Variants in PCDHGB5 observed in about 807,000 individuals in gnomAD.
PCDHGB5 encodes protocadherin gamma-B5.
A neutral mutation model predicts 62.9 loss-of-function variants in PCDHGB5; 48 were observed. That is an observed-to-expected ratio of 0.76 (90% confidence interval 0.61 to 0.97). The LOEUF is 0.97. Ranked by LOEUF, PCDHGB5 falls within the 50% of genes least tolerant of loss-of-function variation. PCDHGB5 has a pLI of 0.00. For missense variants in PCDHGB5, 1,118 were observed against 1,198.6 expected (o/e 0.93, Z 0.99); for synonymous variants, 474 against 511.2 (o/e 0.93, Z 0.98).
At chr5:141,430,815 T>A in intron 1 of PCDHGB5, 1 of 1,535,252 alleles carries the variant, frequency 6.5e-7, no homozygotes, top group Non-Finnish European at 8.7e-7. Flanking sequence ...CTGGGAATCC[T>A]CCTGGGGACT....
chr5:141,423,983 C>T, intron 1 of PCDHGB5: 5 of 1,107,052 alleles, frequency 4.5e-6, no homozygotes, highest in Non-Finnish European at 5.6e-6. Context: ...GTATGAGGCT[C>T]TCAATTTATT....
chr5:141,470,738 C>T lies in PCDHGB5; in HGVS notation c.2398-24069C>T, dbSNP rs117476356. On this transcript the variant is annotated intron_variant, in intron 1 of 3. Transcript: ENST00000617380. ...TTTGAGTCAGGGTCTTGCTCTGTCG[C>T]CCTGGCTGGAGTGCAGTGGACTCAC... Among the ~76,000 whole-genome samples the T allele has an allele frequency of 1.9e-3, 295 of 152,226 alleles. 7 individuals carry two copies. In the East Asian group the frequency reaches 0.046, roughly 24 times the overall value.
At chr5:141,430,252 A>C (rs1292590200) in intron 1 of PCDHGB5, among the ~76,000 whole-genome samples, 1 of 102,244 alleles carries the variant, frequency 9.8e-6, no homozygotes, top group Admixed American at 1.0e-4. Context: ...CTAGGGAGAC[A>C]TCTCCATAAT....
In PCDHGB5 at chr5:141,473,538, T is replaced by C. The variant is rs544537855; in HGVS notation, c.2398-21269T>C. Among the ~76,000 whole-genome samples, 58 of 152,328 alleles carry C rather than the reference T, an allele frequency of 3.8e-4. 1 individual carries two copies. Among genetic ancestry groups the C allele is most frequent in the African/African-American group, 1.3e-3 (55 of 41,576 alleles). Reference sequence around the variant, plus strand: ...AAGGATCCTGGTTTTAACTGGGGCCTAATGGAAGACCTCTATTAGGAAATA... The same window carrying C: ...AAGGATCCTGGTTTTAACTGGGGCCCAATGGAAGACCTCTATTAGGAAATA... On this transcript the variant is annotated intron_variant, in intron 1 of 3. Coordinates refer to ENST00000617380, the MANE Select transcript of PCDHGB5 (RefSeq NM_018925.3).
chr5:141,472,853 G>A (rs1283601489), intron 1 of PCDHGB5, among the ~76,000 whole-genome samples: 1 of 151,738 alleles, frequency 6.6e-6, no homozygotes, highest in Non-Finnish European at 1.5e-5. Flanking sequence ...GGGCATGGTG[G>A]CACATGCCTG....
At chr5:141,472,359 G>T (rs2099278248) in intron 1 of PCDHGB5, among the ~76,000 whole-genome samples, 1 of 151,944 alleles carries the variant, frequency 6.6e-6, no homozygotes, top group Admixed American at 6.6e-5. Flanking sequence ...GGCTAACACG[G>T]TGAAACCCCG....
intron 1 of PCDHGB5, chr5:141,409,980 C>T (rs2095343394): frequency 6.2e-7 from 1 of 1,613,322 alleles, no homozygotes; most frequent in Non-Finnish European, 8.5e-7. Context: ...AAGGTGGTAG[C>T]GGTGGACGCC....
At chr5:141,504,203 A>G (rs2099836487) in intron 2 of PCDHGB5, among the ~76,000 whole-genome samples, 1 of 152,248 alleles carries the variant, frequency 6.6e-6, no homozygotes, top group Non-Finnish European at 1.5e-5. Context: ...TCACTGTGGG[A>G]AAATTCCAAG....
At chr5:141,433,208 C>T (rs780155661) in intron 1 of PCDHGB5, 90 of 1,293,816 alleles carry the variant, frequency 7.0e-5, no homozygotes, top group Middle Eastern at 5.9e-4. Flanking sequence ...AATCTTCTTT[C>T]TTTTTTTTTT....
intron 1 of PCDHGB5, among the ~76,000 whole-genome samples, chr5:141,435,710 C>T (rs1033703743): frequency 1.3e-5 from 2 of 152,148 alleles, no homozygotes; most frequent in Admixed American, 6.5e-5. Flanking sequence ...TGGTTACAGA[C>T]ACTGAATGCT....
chr5:141,413,024 C>A, intron 1 of PCDHGB5: 2 of 736,250 alleles, frequency 2.7e-6, no homozygotes, highest in Non-Finnish European at 4.2e-6. Flanking sequence ...ACAAGCCCCA[C>A]AAACCGGCTG....
intron 1 of PCDHGB5, chr5:141,424,500 G>A (rs2154550788): frequency 6.6e-6 from 1 of 152,208 alleles, no homozygotes; most frequent in African/African-American, 2.4e-5. Flanking sequence ...TGTATGTATG[G>A]AAGGTTTTTT....
rs2099610288 is a variant in PCDHGB5, at chr5:141,485,252, G to A, written c.2398-9555G>A. ...GTTCCTCTTTTACCACCTGGGTTAC[G>A]TTTGTGGGCAGATCCGCTACCCGGT... On this transcript the variant is annotated intron_variant, in intron 1 of 3. Coordinates refer to ENST00000617380, the MANE Select transcript of PCDHGB5 (RefSeq NM_018925.3). This position sits in a 1 kb window ranked among gnomAD's most constrained non-coding sequence, Gnocchi z 5.7. 6.2e-7 allele frequency: 1 copy of A among 1,614,042 alleles called. No individual in the cohort carries two copies. The highest frequency in any genetic ancestry group is 1.7e-5 in the Admixed American group (1 of 60,008).
At chr5:141,488,189 T>G (rs574621860) in intron 1 of PCDHGB5, among the ~76,000 whole-genome samples, 2 of 152,316 alleles carry the variant, frequency 1.3e-5, no homozygotes, top group Non-Finnish European at 2.9e-5. Context: ...TCTTTTGGTC[T>G]GGGTCTTAGG....
At chr5:141,437,896 C>T (rs943440712) in intron 1 of PCDHGB5, among the ~76,000 whole-genome samples, 2 of 152,128 alleles carry the variant, frequency 1.3e-5, no homozygotes, top group African/African-American at 4.8e-5. Flanking sequence ...CGCCACCACA[C>T]CCAGCTAATT....
chr5:141,404,455 C>T, intron 1 of PCDHGB5: 1 of 1,611,994 alleles, frequency 6.2e-7, no homozygotes, highest in Non-Finnish European at 8.5e-7. Context: ...GGTCTCCTCT[C>T]TCCACCTATG....
chr5:141,433,223 T>C lies in PCDHGB5; in HGVS notation c.2397+32699T>C, dbSNP rs2097577369. On this transcript the variant is annotated intron_variant, in intron 1 of 3. Coordinates refer to ENST00000617380, the MANE Select transcript of PCDHGB5 (RefSeq NM_018925.3). The stretch of plus-strand genomic sequence containing the variant: ...AATCTTCTTTCTTTTTTTTTTTTAA[T>C]TGCTCTGTCTCCCAAGCTGGAATGC... The C allele has an allele frequency of 4.6e-6, 7 of 1,525,952 alleles. No individual in the cohort carries two copies. In the East Asian group the frequency reaches 1.6e-4, roughly 34 times the overall value. The allele number at this position is 1,525,952 out of a possible 1,614,324, so 94.5% of individuals were successfully genotyped here. A position where few individuals can be genotyped will look rare whatever the true frequency, so the allele number is the denominator to read the frequency against.
Position 141,476,447 on chromosome 5 carries a change from G to A in PCDHGB5, c.2398-18360G>A. 2 of 1,614,130 alleles carry A rather than the reference G, an allele frequency of 1.2e-6. No homozygotes were observed. The highest frequency in any genetic ancestry group is 1.7e-6 in the Non-Finnish European group (2 of 1,180,026). On this transcript the variant is annotated intron_variant, in intron 1 of 3. Transcript: ENST00000617380. This position sits in a 1 kb window ranked among gnomAD's most constrained non-coding sequence, Gnocchi z 7.6. ...CTCTTGCACTGTAACTCTGGAGTTGGTAGTGGAGAACCCGCTGGAGCTGTT... is the reference window on the plus strand; with the variant it reads ...CTCTTGCACTGTAACTCTGGAGTTGATAGTGGAGAACCCGCTGGAGCTGTT...
intron 1 of PCDHGB5, among the ~76,000 whole-genome samples, chr5:141,479,060 T>G (rs980468382): frequency 5.9e-5 from 9 of 152,248 alleles, no homozygotes; most frequent in Non-Finnish European, 1.3e-4. Context: ...CAGATAATTT[T>G]TTATGAATGA....
Sources: gnomAD v4.1 joint callset for allele counts (sites outside exome capture counted in the v4.1 genomes callset) on GRCh38, gnomAD v4.1.1 for gene constraint, Gnocchi (gnomAD v3.1) non-coding constraint, MANE v1.5 for transcripts, NCBI Gene and HGNC (gene_info 2026-07-23, HGNC 2026-07-21) for gene names.